The following MYO1E variants were observed in gnomAD, a reference collection of about 807,000 sequenced individuals.
MYO1E encodes myosin IE, also known as unconventional myosin-Ie.
A neutral mutation model predicts 151.1 loss-of-function variants in MYO1E; 68 were observed. The ratio of observed to expected loss-of-function variants is 0.45; its 90% CI spans 0.37 to 0.55. The LOEUF (loss-of-function observed/expected upper bound fraction) is 0.55, where lower values mean the gene tolerates loss of function less well. MYO1E is among the 20% of genes least tolerant of loss of function. The pLI is 0.00. For synonymous variants in MYO1E, 601 were observed against 501.7 expected, an observed-to-expected ratio of 1.20 and a Z score of -2.64; for missense variants, 1,363 against 1,389.3, an observed-to-expected ratio of 0.98 and a Z score of 0.30.
At chr15:59,138,084 A>C (rs1301749322) in intron 27 of MYO1E, 114 bp downstream of exon 27, 6 of 1,323,810 alleles carry the variant, frequency 4.5e-6, no homozygotes, top group Non-Finnish European at 6.5e-6. Context: ...ACCTGCCTCT[A>C]CAAATTGCAG....
intron 4 of MYO1E, among the ~76,000 whole-genome samples, chr15:59,244,344 A>C (rs768681080): frequency 1.3e-5 from 2 of 152,214 alleles, no homozygotes; most frequent in Non-Finnish European, 2.9e-5. Flanking sequence ...CCAGCTCTGA[A>C]ATTCCTTTGA....
At chr15:59,319,357 A>G (rs2080610122) in intron 1 of MYO1E, among the ~76,000 whole-genome samples, 1 of 152,044 alleles carries the variant, frequency 6.6e-6, no homozygotes, top group Non-Finnish European at 1.5e-5. Context: ...AGTTTCTGTA[A>G]TAACTTTTCT....
At chr15:59,295,942 C>T (rs978459390) in intron 1 of MYO1E, among the ~76,000 whole-genome samples, 36 of 152,114 alleles carry the variant, frequency 2.4e-4, no homozygotes, top group African/African-American at 8.5e-4. Context: ...TGCTCAATCT[C>T]GCCTACTTAG....
At chr15:59,137,500 G>C (rs1379371278) in intron 27 of MYO1E, 44 bp from the exon 28 acceptor site, 7 of 1,533,646 alleles carry the variant, frequency 4.6e-6, no homozygotes, top group Non-Finnish European at 6.3e-6. Context: ...GAGAAAGTCT[G>C]TTCTGCCCCA....
chr15:59,167,723 C>T (rs1252516273), intron 22 of MYO1E, among the ~76,000 whole-genome samples: 2 of 152,218 alleles, frequency 1.3e-5, no homozygotes, highest in East Asian at 3.9e-4. Context: ...GTTGCCCAGG[C>T]TGGAGTGCAG....
intron 2 of MYO1E, among the ~76,000 whole-genome samples, chr15:59,270,673 C>CT (rs1332883568): frequency 6.7e-6 from 1 of 150,250 alleles, no homozygotes; most frequent in Non-Finnish European, 1.5e-5. Flanking sequence ...GAGTCTTGCT[C>CT]TGTCACCCAG....
At position 59,136,203 on chromosome 15, in the gene MYO1E, A is replaced by G. The variant is rs1398307076; in HGVS notation, c.*1177T>C. On this transcript the variant is annotated 3_prime_UTR_variant, in exon 28 of 28. Coordinates refer to ENST00000288235, the MANE Select transcript of MYO1E (RefSeq NM_004998.4). The stretch of plus-strand genomic sequence containing the variant: ...CAGGACACCATTATATTGGATTAAG[A>G]CCCACTCTAATGACTTCATTTTAAT... 3 of 154,136 alleles carry G rather than the reference A, an allele frequency of 1.9e-5. No individual in the cohort carries two copies. The highest frequency in any genetic ancestry group is 7.2e-5 in the African/African-American group (3 of 41,396). The allele number at this position is 154,136 out of a possible 1,614,324, so 9.5% of individuals were successfully genotyped here. A position where few individuals can be genotyped will look rare whatever the true frequency, so the allele number is the denominator to read the frequency against.
intron 17 of MYO1E, among the ~76,000 whole-genome samples, chr15:59,188,841 G>T (rs1218519575): frequency 6.6e-6 from 1 of 152,102 alleles, no homozygotes; most frequent in Non-Finnish European, 1.5e-5. Context: ...TTAATCAGAA[G>T]GCTAAAGGAA....
At chr15:59,267,894 A>G (rs2080265942) in intron 2 of MYO1E, among the ~76,000 whole-genome samples, 1 of 152,218 alleles carries the variant, frequency 6.6e-6, no homozygotes, top group South Asian at 2.1e-4. Context: ...AGGGAGTTTT[A>G]TTGGTAAACG....
intron 1 of MYO1E, among the ~76,000 whole-genome samples, chr15:59,302,704 T>C (rs1344434458): frequency 6.6e-6 from 1 of 152,212 alleles, no homozygotes; most frequent in Non-Finnish European, 1.5e-5. Context: ...TGACACACCT[T>C]GGGGCTTGAT....
intron 1 of MYO1E, among the ~76,000 whole-genome samples, chr15:59,315,791 G>GTTA (rs1473254728): frequency 6.6e-6 from 1 of 152,112 alleles, no homozygotes; most frequent in African/African-American, 2.4e-5. Context: ...TGCTGCTGTT[G>GTTA]CTGTTAATAA....
At chr15:59,166,241 C>G (rs1296675630) in intron 22 of MYO1E, among the ~76,000 whole-genome samples, 5 of 152,158 alleles carry the variant, frequency 3.3e-5, no homozygotes, top group African/African-American at 1.2e-4. Flanking sequence ...TCTCCTTAGC[C>G]CACGCTCCTG....
intron 18 of MYO1E, among the ~76,000 whole-genome samples, chr15:59,185,826 A>G (rs1424734134): frequency 6.6e-6 from 1 of 152,194 alleles, no homozygotes; most frequent in Non-Finnish European, 1.5e-5. Context: ...GGATGTCACA[A>G]CTCAGAGGAA....
chr15:59,214,509 C>A (rs2079901442), intron 11 of MYO1E, 131 bp downstream of exon 11: 4 of 1,031,300 alleles, frequency 3.9e-6, no homozygotes, highest in Non-Finnish European at 6.1e-6. Context: ...CAAAAATGAG[C>A]CTGAGTTGTT....
chr15:59,330,963 T>A (rs2140422942), intron 1 of MYO1E, among the ~76,000 whole-genome samples: 1 of 151,962 alleles, frequency 6.6e-6, no homozygotes, highest in African/African-American at 2.4e-5. Flanking sequence ...GGAGATGGAG[T>A]CTCCCTACGT....
In MYO1E at chr15:59,159,156, G is replaced by GCAAA. The variant is rs1190047890; in HGVS notation, c.2786-781_2786-778dup. On this transcript the variant is annotated intron_variant, in intron 24 of 27. Transcript: ENST00000288235. The surrounding 1 kb of genome is among the most constrained non-coding windows in gnomAD (Gnocchi z 4.4). ...GGTAGGAGGTGACAAGGTGCACAGT[G>GCAAA]CAAACACAGCAAAGGAGCTGCAGCT... Among the ~76,000 whole-genome samples the GCAAA allele has an allele frequency of 6.6e-6, 1 of 152,332 alleles. No homozygotes were observed. Among genetic ancestry groups the GCAAA allele is most frequent in the African/African-American group, 2.4e-5 (1 of 41,580 alleles).
At chr15:59,146,318 T>G (rs772790974) in intron 26 of MYO1E, among the ~76,000 whole-genome samples, 2 of 152,172 alleles carry the variant, frequency 1.3e-5, no homozygotes, top group African/African-American at 2.4e-5. Flanking sequence ...TGTTTTTTGT[T>G]TTGTTTTGTT....
At position 59,188,214 on chromosome 15, in the gene MYO1E, A is replaced by T; in HGVS notation, c.1808T>A (p.Val603Glu). The T allele has an allele frequency of 6.2e-7, 1 of 1,613,368 alleles. No individual in the cohort carries two copies. The highest frequency in any genetic ancestry group is 8.5e-7 in the Non-Finnish European group (1 of 1,179,500). ...ACCCAAATATTCGACTTGATGCTTT[A>T]CCCTGTGCAAAGGAGAAAATGGGGC... The part of the protein sequence containing the change: ...KKPRDWEESR[V>E]KHQVEYLGLK... Residue 603 changes from valine to glutamate, a missense_variant and splice_region_variant, in exon 18 of 28, where the codon GTA becomes GAA. By Grantham distance (121) the Val-to-Glu change is moderately radical. Transcript: ENST00000288235.
chr15:59,168,324 T>C (rs1357761491), intron 22 of MYO1E, among the ~76,000 whole-genome samples: 1 of 151,916 alleles, frequency 6.6e-6, no homozygotes, highest in African/African-American at 2.4e-5. Flanking sequence ...GGTGGGTAGA[T>C]CCCATGAGCC....
Sources: allele counts gnomAD v4.1 joint callset (sites outside exome capture counted in the v4.1 genomes callset), GRCh38; gene constraint gnomAD v4.1.1; non-coding constraint Gnocchi (gnomAD v3.1); transcripts MANE v1.5; gene names NCBI Gene and HGNC (gene_info 2026-07-23, HGNC 2026-07-21).